Variants in CCDC125 observed in about 807,000 individuals in gnomAD.
CCDC125 encodes coiled-coil domain containing 125, also known as coiled-coil domain-containing protein 125.
In CCDC125, 43 loss-of-function variants were observed where a neutral mutation model predicts 57.4. That is an observed-to-expected ratio of 0.75 (90% CI 0.59 to 0.97). The LOEUF (loss-of-function observed/expected upper bound fraction) is 0.97, where lower values mean the gene tolerates loss of function less well. Ranked by LOEUF, CCDC125 falls within the 50% of genes least tolerant of loss-of-function variation. The probability of loss-of-function intolerance (pLI) is 0.00; values close to 1 mark genes in which losing one functional copy is unlikely to be tolerated. For synonymous variants in CCDC125, 187 were observed against 195.2 expected, an observed-to-expected ratio of 0.96 and a Z score of 0.35; for missense variants, 563 against 595.7, an observed-to-expected ratio of 0.95 and a Z score of 0.57.
chr5:69,320,623 C>A, intron 1 of CCDC125, 43 bp from the exon 2 acceptor site: 2 of 823,174 alleles, frequency 2.4e-6, no homozygotes, highest in Non-Finnish European at 3.9e-6. Flanking sequence ...ATCAGTAGAT[C>A]CAGCAACCCC....
At position 69,282,723 on chromosome 5, in the gene CCDC125, T is replaced by G; in HGVS notation, c.*6A>C. ...ACTCTCAGTTCCAATTTCAACTGGC[T>G]TGTCTTTAAAATATGATACTTGATG... On this transcript the variant is annotated 3_prime_UTR_variant, in exon 12 of 12. Coordinates refer to ENST00000396496, the MANE Select transcript of CCDC125 (RefSeq NM_176816.5). 6.4e-7 allele frequency: 1 copy of G among 1,567,350 alleles called. No homozygotes were observed. The highest frequency in any genetic ancestry group is 1.2e-5 in the South Asian group (1 of 83,048).
intron 8 of CCDC125, among the ~76,000 whole-genome samples, chr5:69,295,348 T>C (rs766493097): frequency 4.6e-5 from 7 of 152,100 alleles, no homozygotes; most frequent in Non-Finnish European, 7.4e-5. Flanking sequence ...GACGAGGGAA[T>C]TGTAATATAT....
At chr5:69,313,768 C>T (rs969963300) in intron 3 of CCDC125, 10 of 785,388 alleles carry the variant, frequency 1.3e-5, no homozygotes, top group African/African-American at 1.0e-4. Context: ...GGAAGAGCAC[C>T]GCCTTCTTGC....
intron 11 of CCDC125, among the ~76,000 whole-genome samples, chr5:69,283,461 C>A (rs1028217870): frequency 6.6e-6 from 1 of 151,938 alleles, no homozygotes; most frequent in South Asian, 2.1e-4. Context: ...ACCTTGTGAT[C>A]AGCCCACCTT....
intron 5 of CCDC125, among the ~76,000 whole-genome samples, chr5:69,307,147 A>G (rs547048628): frequency 6.6e-6 from 1 of 152,122 alleles, no homozygotes; most frequent in Non-Finnish European, 1.5e-5. Context: ...TGCCTTCAAA[A>G]TTTGCTGGGC....
chr5:69,298,284 G>A (rs1270938750), intron 8 of CCDC125, among the ~76,000 whole-genome samples: 1 of 152,176 alleles, frequency 6.6e-6, no homozygotes, highest in Non-Finnish European at 1.5e-5. Context: ...AAAGTGCTGG[G>A]ATTACAGGCG....
chr5:69,298,820 T>C (rs979348584), intron 8 of CCDC125, among the ~76,000 whole-genome samples: 7 of 152,200 alleles, frequency 4.6e-5, no homozygotes, highest in South Asian at 2.1e-4. Flanking sequence ...TTTCCACCCA[T>C]GGCAGTAGAA....
At chr5:69,283,642 C>T (rs1174223167) in intron 11 of CCDC125, among the ~76,000 whole-genome samples, 1 of 151,960 alleles carries the variant, frequency 6.6e-6, no homozygotes, top group Admixed American at 6.6e-5. Context: ...CTCACCCTCC[C>T]GAGTAGAGTA....
chr5:69,307,830 A>G, intron 5 of CCDC125, 121 bp downstream of exon 5: 2 of 714,666 alleles, frequency 2.8e-6, no homozygotes, highest in East Asian at 5.2e-5. Flanking sequence ...GACCATCAGA[A>G]CTGAAGCACA....
intron 10 of CCDC125, among the ~76,000 whole-genome samples, chr5:69,286,993 A>AT (rs1491237790): frequency 2.1e-4 from 22 of 102,426 alleles, no homozygotes; most frequent in African/African-American, 5.4e-4. Flanking sequence ...GGAGTTTAAG[A>AT]TAAAAAAAAA....
At chr5:69,299,422 C>T (rs1303723437) in intron 8 of CCDC125, among the ~76,000 whole-genome samples, 2 of 152,218 alleles carry the variant, frequency 1.3e-5, no homozygotes, top group Non-Finnish European at 2.9e-5. Flanking sequence ...TTAAGTTCTA[C>T]AAGAAGTGCA....
intron 2 of CCDC125, among the ~76,000 whole-genome samples, chr5:69,316,215 T>C (rs1453281933): frequency 6.6e-6 from 1 of 152,208 alleles, no homozygotes; most frequent in Non-Finnish European, 1.5e-5. Flanking sequence ...GAATATGATG[T>C]CCACATGCCA....
Position 69,311,102 on chromosome 5 carries a change from A to G in CCDC125, c.453+16T>C, listed in dbSNP as rs766750987. The G allele has an allele frequency of 6.4e-7, 1 of 1,556,366 alleles. No individual in the cohort carries two copies. The highest frequency in any genetic ancestry group is 8.8e-7 in the Non-Finnish European group (1 of 1,132,870). On this transcript the variant is annotated intron_variant, in intron 4 of 11. Transcript: ENST00000396496. ...TGGAATGTGTAAATGGTGAAAGTTT[A>G]AAAACAACTTCTTACCATGCTTTGA...
intron 3 of CCDC125, among the ~76,000 whole-genome samples, chr5:69,312,811 G>T (rs1758372563): frequency 6.6e-6 from 1 of 152,080 alleles, no homozygotes; most frequent in African/African-American, 2.4e-5. Flanking sequence ...CACAGATTTG[G>T]TACCATTTAA....
At chr5:69,297,973 A>AAAAAC (rs746556371) in intron 8 of CCDC125, among the ~76,000 whole-genome samples, 5 of 151,444 alleles carry the variant, frequency 3.3e-5, no homozygotes, top group South Asian at 4.2e-4. Context: ...GCCCTGTCTC[A>AAAAAC]AAAACAAAAC....
chr5:69,313,852 G>A (rs567790556), intron 3 of CCDC125, 133 bp downstream of exon 3: 2 of 861,566 alleles, frequency 2.3e-6, no homozygotes, highest in Non-Finnish European at 4.0e-6. Flanking sequence ...CACCATCAGA[G>A]ACAGCCACAA....
intron 10 of CCDC125, among the ~76,000 whole-genome samples, chr5:69,290,922 G>A (rs185097443): frequency 1.4e-4 from 22 of 152,094 alleles, no homozygotes; most frequent in Non-Finnish European, 2.4e-4. Context: ...GAGCCACGAC[G>A]CCCAGCCAAC....
rs1363565261 is a variant in CCDC125, at chr5:69,287,444, G to C, written c.1100-1977C>G. Among the ~76,000 whole-genome samples, 3 of 151,260 alleles carry C rather than the reference G, an allele frequency of 2.0e-5. No homozygotes were observed. The East Asian group carries it at 5.9e-4, about 30-fold the overall frequency. On this transcript the variant is annotated intron_variant, in intron 10 of 11. Transcript: ENST00000396496. ...ACACCCAGCCAATTTTGTATTTTTA[G>C]TAGAGACAGGGTTTCTCCATGTTGG...
chr5:69,296,776 C>A (rs952582899), intron 8 of CCDC125, among the ~76,000 whole-genome samples: 2 of 152,024 alleles, frequency 1.3e-5, no homozygotes, highest in African/African-American at 4.8e-5. Flanking sequence ...CCAGCCTAAC[C>A]AACATGGTGA....
Sources: allele counts gnomAD v4.1 joint callset (sites outside exome capture counted in the v4.1 genomes callset), GRCh38; gene constraint gnomAD v4.1.1; transcripts MANE v1.5; gene names NCBI Gene and HGNC (gene_info 2026-07-23, HGNC 2026-07-21).